Variants in ATP4B observed in about 807,000 individuals in gnomAD.
ATP4B encodes ATPase H+/K+ transporting subunit beta.
ATP4B carries 27 observed loss-of-function variants against 35.3 expected under a neutral mutation model. The observed-to-expected ratio is 0.76, with a 90% CI of 0.56 to 1.05. The LOEUF is 1.05. ATP4B is among the 50% of genes least tolerant of loss of function. The pLI is 0.00. For synonymous variants in ATP4B, 162 were observed against 156.0 expected, an observed-to-expected ratio of 1.04 and a Z score of -0.29; for missense variants, 375 against 384.8, an observed-to-expected ratio of 0.97 and a Z score of 0.21.
chr13:113,652,558 G>T (rs1420555610), intron 4 of ATP4B: 1 of 434,238 alleles, frequency 2.3e-6, no homozygotes, highest in African/African-American at 2.0e-5. Flanking sequence ...AGAACTTGAG[G>T]CCCCTTTACC....
intron 1 of ATP4B, among the ~76,000 whole-genome samples, chr13:113,657,601 G>A (rs963963255): frequency 2.8e-4 from 43 of 152,248 alleles, no homozygotes; most frequent in African/African-American, 8.9e-4. Flanking sequence ...GACGCCAGCG[G>A]GTGTCCCGGA....
chr13:113,657,871 G>C lies in ATP4B; in HGVS notation c.112+162C>G, dbSNP rs1160697922. On this transcript the variant is annotated intron_variant, in intron 1 of 6. Coordinates refer to ENST00000335288, the MANE Select transcript of ATP4B (RefSeq NM_000705.4). The stretch of plus-strand genomic sequence containing the variant: ...CTCTGGGGACCCTCGCTTTCCCTGG[G>C]AGGCAAGTGAGGCCCTGGCCGAAGC... Among the ~76,000 whole-genome samples the C allele has an allele frequency of 2.0e-5, 3 of 152,208 alleles. No individual in the cohort carries two copies. The East Asian group carries it at 5.8e-4, about 29-fold the overall frequency.
In ATP4B at chr13:113,649,239, G is replaced by T; in HGVS notation, c.*135C>A. The T allele has an allele frequency of 9.4e-7, 1 of 1,066,888 alleles. No homozygotes were observed. The highest frequency in any genetic ancestry group is 1.3e-6 in the Non-Finnish European group (1 of 765,044). The allele number at this position is 1,066,888 out of a possible 1,614,324, so 66.1% of individuals were successfully genotyped here. ...AGATGTGGGCGCTTCTCTGGAGTTC[G>T]CACACTGACAACACCGTTGCTCCAA... is the stretch of plus-strand genomic sequence containing the variant. On this transcript the variant is annotated 3_prime_UTR_variant, in exon 7 of 7. Transcript: ENST00000335288. This position sits in a 1 kb window ranked among gnomAD's most constrained non-coding sequence, Gnocchi z 4.7.
At chr13:113,652,650 G>A (rs914712239) in intron 4 of ATP4B, 5 of 646,774 alleles carry the variant, frequency 7.7e-6, no homozygotes, top group Non-Finnish European at 1.4e-5. Context: ...ATGTTTTAGA[G>A]GGCCGGCTAT....
At position 113,649,582 on chromosome 13, in the gene ATP4B, G is replaced by C; in HGVS notation, c.715-47C>G. 6.9e-7 allele frequency: 1 copy of C among 1,446,808 alleles called. No individual in the cohort carries two copies. The highest frequency in any genetic ancestry group is 9.1e-7 in the Non-Finnish European group (1 of 1,095,798). 89.6% of individuals were successfully genotyped at this position (1,446,808 alleles called of 1,614,324 possible). The stretch of plus-strand genomic sequence containing the variant: ...GACAGGTGTTTCAAAAATCTCTGAA[G>C]TTAAGGAGAGAAAACTAAGCAAGGA... On this transcript the variant is annotated intron_variant, in intron 6 of 6. Coordinates refer to ENST00000335288, the MANE Select transcript of ATP4B (RefSeq NM_000705.4). This position sits in a 1 kb window ranked among gnomAD's most constrained non-coding sequence, Gnocchi z 4.7.
chr13:113,653,393 C>T lies in ATP4B; in HGVS notation c.283G>A (p.Glu95Lys), dbSNP rs141052353. Reference protein sequence around the residue: ...RPDVYGEKGLEIVYNVSDNRT... With the variant: ...RPDVYGEKGLKIVYNVSDNRT... ...TTATCAGAGACGTTGTAGACAATTT[C>T]CAGGCCTTTCTCCCCGTAAACATCC... The change falls in exon 3 of 7, where the codon GAA (glutamate) becomes AAA (lysine). Residue 95 changes from glutamate to lysine, a missense_variant. Coordinates refer to ENST00000335288, the MANE Select transcript of ATP4B (RefSeq NM_000705.4). The T allele has an allele frequency of 6.5e-4, 1,047 of 1,614,216 alleles. 7 individuals carry two copies. In the African/African-American group the frequency reaches 0.012, roughly 19 times the overall value.
rs1157257209 is a variant in ATP4B at position 113,655,495 on chromosome 13, C to T, written c.113-553G>A. 2.0e-5 allele frequency among the ~76,000 whole-genome samples: 3 copies of T among 152,306 alleles called. No homozygotes were observed. The East Asian group carries it at 5.8e-4, about 29-fold the overall frequency. ...AGGGTGTCCATAGGCACCGGCAACT[C>T]AGGGTGCAGCTTCATCTCATCTGCT... On this transcript the variant is annotated intron_variant, in intron 1 of 6. Coordinates refer to ENST00000335288, the MANE Select transcript of ATP4B (RefSeq NM_000705.4).
At position 113,653,045 on chromosome 13, in the gene ATP4B, C is replaced by T. The variant is rs772712289; in HGVS notation, c.383G>A (p.Ser128Asn). The T allele has an allele frequency of 1.2e-6, 2 of 1,612,614 alleles. No individual in the cohort carries two copies. The highest frequency in any genetic ancestry group is 1.7e-6 in the Non-Finnish European group (2 of 1,178,826). Residue 128 changes from serine to asparagine, a missense_variant, in exon 4 of 7, where the codon AGC becomes AAC. By Grantham distance (46) the Ser-to-Asn change is conservative (BLOSUM62 1). Transcript: ENST00000335288. ...GTACTGCTCGGAGGTGCAGTTGATG[C>T]TGTCCTCCTGGGCTGCTGGAGAGTA... ...AGYSPAAQED[S>N]INCTSEQYFF...
Position 113,655,866 on chromosome 13 carries a change from A to G in ATP4B, c.113-924T>C, listed in dbSNP as rs1479477804. Among the ~76,000 whole-genome samples the G allele has an allele frequency of 3.3e-5, 5 of 152,354 alleles. No homozygotes were observed. In the East Asian group the frequency reaches 9.7e-4, roughly 29 times the overall value. On this transcript the variant is annotated intron_variant, in intron 1 of 6. Coordinates refer to ENST00000335288, the MANE Select transcript of ATP4B (RefSeq NM_000705.4). ...CCAAGTCAGAGAAGCAAGGGAGTGC[A>G]GGGCCAAGAGGCCAGAGCCCTGAGC...
Position 113,654,822 on chromosome 13 carries a change from C to T in ATP4B, c.233G>A (p.Arg78Gln), listed in dbSNP as rs773193374. 1.7e-5 allele frequency: 28 copies of T among 1,613,808 alleles called. No individual in the cohort carries two copies. Among genetic ancestry groups the T allele is most frequent in the East Asian group, 2.2e-5 (1 of 44,870 alleles). The change falls in exon 2 of 7, where the codon CGG becomes CAG. Residue 78 changes from arginine to glutamine, a missense_variant. Transcript: ENST00000335288. ...PYTPDYQDQL[R>Q]SPGVTLRPDV... ...ACATCCCGGGCGCTTACCTGGTGACCGTAGCTGGTCTTGGTAGTCCGGTGT... is the reference window on the plus strand; with the variant it reads ...ACATCCCGGGCGCTTACCTGGTGACTGTAGCTGGTCTTGGTAGTCCGGTGT...
In ATP4B at chr13:113,650,394, G is replaced by A; in HGVS notation, c.714+12C>T. ...AGCTGTGGTGAGGGAAGCGTGGAAG[G>A]AAGGAACCTACCTGGGCTTTCTTCC... On this transcript the variant is annotated intron_variant, in intron 6 of 6. Coordinates refer to ENST00000335288, the MANE Select transcript of ATP4B (RefSeq NM_000705.4). The surrounding 1 kb of genome is among the most constrained non-coding windows in gnomAD (Gnocchi z 5.0). 6.2e-7 allele frequency: 1 copy of A among 1,612,596 alleles called. No individual in the cohort carries two copies. Among genetic ancestry groups the A allele is most frequent in the Non-Finnish European group, 8.5e-7 (1 of 1,178,764 alleles).
intron 4 of ATP4B, among the ~76,000 whole-genome samples, chr13:113,651,928 C>G (rs10161594): frequency 0.17 from 25,643 of 152,152 alleles, 2,545 homozygotes; most frequent in African/African-American, 0.27. Context: ...AGAGCCACAG[C>G]CCTCCCCCCA....
chr13:113,654,969 TACC>T (rs771750316), intron 1 of ATP4B, 27 bp from the exon 2 acceptor site: 26 of 1,612,960 alleles, frequency 1.6e-5, no homozygotes, highest in Non-Finnish European at 2.0e-5. Flanking sequence ...GCACAAAATT[TACC>T]ACGTCAGCCA....
intron 1 of ATP4B, among the ~76,000 whole-genome samples, chr13:113,657,774 G>A (rs1286569314): frequency 6.6e-6 from 1 of 152,228 alleles, no homozygotes; most frequent in African/African-American, 2.4e-5. Context: ...GCTGACATTT[G>A]GGGCCAGTCT....
At chr13:113,655,078 A>G (rs72670606) in intron 1 of ATP4B, 136 bp from the exon 2 acceptor site, 121,988 of 1,207,202 alleles carry the variant, frequency 0.1, 7,012 homozygotes, top group South Asian at 0.2. Context: ...CCCCCAAAAC[A>G]GAAACCCCGT....
intron 2 of ATP4B, among the ~76,000 whole-genome samples, 187 bp downstream of exon 2, chr13:113,654,627 C>T (rs758009660): frequency 7.9e-5 from 12 of 152,252 alleles, no homozygotes; most frequent in African/African-American, 2.2e-4. Context: ...CTCTTAAAGC[C>T]GGTTCAGGGG....
At chr13:113,655,420 G>A (rs2049746317) in intron 1 of ATP4B, among the ~76,000 whole-genome samples, 1 of 152,200 alleles carries the variant, frequency 6.6e-6, no homozygotes, top group Non-Finnish European at 1.5e-5. Flanking sequence ...AAGACATCAG[G>A]AAGAGAAAGG....
At chr13:113,655,077 C>T in intron 1 of ATP4B, 135 bp from the exon 2 acceptor site, 1 of 1,231,774 alleles carries the variant, frequency 8.1e-7, no homozygotes, top group Non-Finnish European at 1.1e-6. Context: ...TCCCCCAAAA[C>T]AGAAACCCCG....
At chr13:113,653,779 A>T (rs2049732747) in intron 2 of ATP4B, among the ~76,000 whole-genome samples, 1 of 150,108 alleles carries the variant, frequency 6.7e-6, no homozygotes, top group Non-Finnish European at 1.5e-5. Flanking sequence ...AACATGCATT[A>T]AAAAAAATCT....
Sources: gnomAD v4.1 joint callset for allele counts (sites outside exome capture counted in the v4.1 genomes callset) on GRCh38, gnomAD v4.1.1 for gene constraint, Gnocchi (gnomAD v3.1) non-coding constraint, MANE v1.5 for transcripts, NCBI Gene and HGNC (gene_info 2026-07-23, HGNC 2026-07-21) for gene names.